AGBL1: variants seen among roughly 807,000 people sequenced by gnomAD.
AGBL1 encodes AGBL carboxypeptidase 1.
Under a neutral mutation model 118.9 loss-of-function variants are expected in AGBL1, and 130 were observed. The observed-to-expected ratio is 1.09, with a 90% CI of 0.95 to 1.26. The LOEUF (loss-of-function observed/expected upper bound fraction) is 1.26, where lower values mean the gene tolerates loss of function less well. Among genes scored for constraint, AGBL1 ranks in the 50% most tolerant of loss-of-function variants. AGBL1 has a pLI of 0.00. For synonymous variants in AGBL1, 555 were observed against 478.9 expected (o/e 1.16, Z -2.08); for missense variants, 1,584 against 1,298.1 (o/e 1.22, Z -3.38).
At chr15:86,144,331 G>A (rs967348437) in intron 3 of AGBL1, among the ~76,000 whole-genome samples, 1 of 152,102 alleles carries the variant, frequency 6.6e-6, no homozygotes, top group African/African-American at 2.4e-5. Context: ...ATACCCAAAG[G>A]AATAGAAATA....
chr15:86,619,756 CG>C (rs2084779102), intron 21 of AGBL1, among the ~76,000 whole-genome samples: 1 of 152,120 alleles, frequency 6.6e-6, no homozygotes, highest in Non-Finnish European at 1.5e-5. Context: ...GTACAATACC[CG>C]GGGCAGAGAG....
At chr15:86,326,978 T>A (rs926547783) in intron 17 of AGBL1, among the ~76,000 whole-genome samples, 2 of 150,902 alleles carry the variant, frequency 1.3e-5, no homozygotes, top group Non-Finnish European at 2.9e-5. Context: ...CATCTGCTGA[T>A]GGGAAATAGA....
chr15:86,551,787 C>T (rs926749013), intron 20 of AGBL1, among the ~76,000 whole-genome samples: 6 of 151,944 alleles, frequency 3.9e-5, no homozygotes, highest in Non-Finnish European at 8.8e-5. Flanking sequence ...TATAAACAGA[C>T]AATAGTATTA....
intron 21 of AGBL1, among the ~76,000 whole-genome samples, chr15:86,592,463 T>A (rs1176000120): frequency 6.6e-6 from 1 of 152,186 alleles, no homozygotes; most frequent in Non-Finnish European, 1.5e-5. Flanking sequence ...CCTTAACTTG[T>A]TTTGTACATT....
chr15:87,023,163 G>C (rs778157129), intron 24 of AGBL1, among the ~76,000 whole-genome samples: 3 of 152,020 alleles, frequency 2.0e-5, no homozygotes, highest in African/African-American at 7.2e-5. Flanking sequence ...TTACCTAAAT[G>C]TTCTACTTAA....
intron 22 of AGBL1, among the ~76,000 whole-genome samples, chr15:86,789,543 A>C (rs943652349): frequency 6.6e-6 from 1 of 152,054 alleles, no homozygotes; most frequent in African/African-American, 2.4e-5. Flanking sequence ...GCTAAGGGGG[A>C]GGTGAGTAAT....
intron 6 of AGBL1, among the ~76,000 whole-genome samples, chr15:86,233,035 C>G (rs1597596748): frequency 6.6e-6 from 1 of 152,178 alleles, no homozygotes; most frequent in Non-Finnish European, 1.5e-5. Context: ...ATATTATGAT[C>G]CCCATTTTAC....
intron 22 of AGBL1, among the ~76,000 whole-genome samples, chr15:86,825,902 TAGATAGATAGATAGATA>T (rs1477538922): frequency 2.2e-5 from 2 of 92,900 alleles, no homozygotes; most frequent in African/African-American, 9.2e-5. Context: ...GATAGATAGA[TAGATAGATAGATAGATA>T]GATAGATAGA....
chr15:86,179,097 G>T (rs1414075121), intron 5 of AGBL1, among the ~76,000 whole-genome samples: 2 of 152,190 alleles, frequency 1.3e-5, no homozygotes, highest in Non-Finnish European at 2.9e-5. Flanking sequence ...TAATTATTCA[G>T]CATTCCCTCC....
At chr15:86,798,216 C>T (rs889151834) in intron 22 of AGBL1, among the ~76,000 whole-genome samples, 5 of 152,118 alleles carry the variant, frequency 3.3e-5, no homozygotes, top group African/African-American at 1.2e-4. Flanking sequence ...TCTTTGCCTT[C>T]AAAATCTCGA....
At chr15:86,467,230 G>T (rs1029535021) in intron 18 of AGBL1, among the ~76,000 whole-genome samples, 5 of 152,184 alleles carry the variant, frequency 3.3e-5, no homozygotes, top group Non-Finnish European at 5.9e-5. Context: ...GCTGTGGTGG[G>T]CTCCGCCCAG....
At chr15:86,799,191 ATTATAC>A (rs1161209077) in intron 22 of AGBL1, among the ~76,000 whole-genome samples, 2 of 151,686 alleles carry the variant, frequency 1.3e-5, no homozygotes, top group Non-Finnish European at 2.9e-5. Flanking sequence ...TTTTATTATT[ATTATAC>A]TTTAAGTTTT....
At chr15:86,562,158 C>A (rs917310903) in intron 21 of AGBL1, among the ~76,000 whole-genome samples, 1 of 152,168 alleles carries the variant, frequency 6.6e-6, no homozygotes, top group Non-Finnish European at 1.5e-5. Context: ...CTTTCTCCTG[C>A]CTGATTGCCC....
chr15:86,996,613 C>G (rs1388388977), intron 24 of AGBL1, among the ~76,000 whole-genome samples: 1 of 152,118 alleles, frequency 6.6e-6, no homozygotes, highest in Non-Finnish European at 1.5e-5. Context: ...AAGCATATAC[C>G]TAGCATATAC....
At chr15:86,739,681 C>T (rs966882992) in intron 22 of AGBL1, among the ~76,000 whole-genome samples, 4 of 152,018 alleles carry the variant, frequency 2.6e-5, no homozygotes, top group African/African-American at 9.7e-5. Context: ...CTTACCTTGG[C>T]ACTTGGAAAG....
intron 1 of AGBL1, chr15:86,105,154 A>T (rs182858102): frequency 1.3e-5 from 2 of 152,254 alleles, no homozygotes; most frequent in Non-Finnish European, 2.9e-5. Flanking sequence ...TTTGTGGAGG[A>T]GGCAAGTACC....
intron 18 of AGBL1, among the ~76,000 whole-genome samples, chr15:86,517,739 GTTGT>G (rs1453513610): frequency 6.6e-6 from 1 of 152,104 alleles, no homozygotes; most frequent in Non-Finnish European, 1.5e-5. Flanking sequence ...GACAACCCTG[GTTGT>G]TTTGAGCTTT....
intron 1 of AGBL1, among the ~76,000 whole-genome samples, chr15:86,123,873 C>T (rs1469975936): frequency 6.6e-6 from 1 of 152,170 alleles, no homozygotes; most frequent in Non-Finnish European, 1.5e-5. Context: ...CAGTGTTTGA[C>T]TCTTTTTTAT....
intron 1 of AGBL1, among the ~76,000 whole-genome samples, chr15:86,128,355 A>G (rs1438378925): frequency 1.3e-5 from 2 of 152,152 alleles, no homozygotes; most frequent in African/African-American, 4.8e-5. Flanking sequence ...CCATGATTCA[A>G]TGATCTCCAC....
Sources: gnomAD v4.1 joint callset for allele counts (sites outside exome capture counted in the v4.1 genomes callset) on GRCh38, gnomAD v4.1.1 for gene constraint, MANE v1.5 for transcripts, NCBI Gene and HGNC (gene_info 2026-07-23, HGNC 2026-07-21) for gene names.